Variants in FBXL7 observed in about 807,000 individuals in gnomAD.
FBXL7 encodes F-box and leucine rich repeat protein 7.
Under a neutral mutation model 38.3 loss-of-function variants are expected in FBXL7, and 12 were observed. The ratio of observed to expected loss-of-function variants is 0.31; its 90% CI spans 0.20 to 0.51. FBXL7 has a LOEUF of 0.51. Ranked by LOEUF, FBXL7 falls within the 20% of genes least tolerant of loss-of-function variation. The pLI, the probability that FBXL7 is intolerant of heterozygous loss-of-function variation, is 0.98. For missense variants in FBXL7, 567 were observed against 676.4 expected (o/e 0.84, Z 1.79); for synonymous variants, 297 against 300.9 (o/e 0.99, Z 0.13).
At chr5:15,612,122 C>A (rs922322515) in intron 1 of FBXL7, among the ~76,000 whole-genome samples, 5 of 151,934 alleles carry the variant, frequency 3.3e-5, no homozygotes, top group Non-Finnish European at 5.9e-5. Flanking sequence ...ACACAATCCA[C>A]CCCCCCAAGA....
At chr5:15,529,817 CCCTT>C (rs1737368196) in intron 1 of FBXL7, among the ~76,000 whole-genome samples, 1 of 152,188 alleles carries the variant, frequency 6.6e-6, no homozygotes, top group Non-Finnish European at 1.5e-5. Flanking sequence ...GTTGAAGTAT[CCCTT>C]CCACAGATGG....
intron 2 of FBXL7, among the ~76,000 whole-genome samples, chr5:15,830,377 A>C (rs1270381005): frequency 1.3e-5 from 2 of 151,836 alleles, no homozygotes; most frequent in Non-Finnish European, 2.9e-5. Context: ...CCAGCTACTC[A>C]GGAGGCCAAG....
chr5:15,596,446 T>G (rs1580393153), intron 1 of FBXL7, among the ~76,000 whole-genome samples: 1 of 152,266 alleles, frequency 6.6e-6, no homozygotes, highest in South Asian at 2.1e-4. Flanking sequence ...AGGGATTGCT[T>G]GAGCCCAGGA....
At chr5:15,555,974 C>CATCTATCTATCTATCTATCT (rs144598945) in intron 1 of FBXL7, among the ~76,000 whole-genome samples, 9 of 141,000 alleles carry the variant, frequency 6.4e-5, no homozygotes, top group South Asian at 2.4e-4. Flanking sequence ...ATCTGTCTAT[C>CATCTATCTATCTATCTATCT]ATCTATCTAT....
Position 15,763,651 on chromosome 5 carries a change from G to A in FBXL7, c.127+147579G>A, listed in dbSNP as rs1275159611. Among the ~76,000 whole-genome samples the A allele has an allele frequency of 2.0e-5, 3 of 151,946 alleles. No individual in the cohort carries two copies. The East Asian group carries it at 5.8e-4, about 29-fold the overall frequency. On this transcript the variant is annotated intron_variant, in intron 2 of 3. Transcript: ENST00000504595. The stretch of plus-strand genomic sequence containing the variant: ...ACATCAGAGCATTATTTTTTATCTT[G>A]GTTTTATAGGTTTCTATTCTGAGGA...
intron 1 of FBXL7, among the ~76,000 whole-genome samples, chr5:15,607,892 GC>G (rs931861991): frequency 6.6e-6 from 1 of 152,084 alleles, no homozygotes; most frequent in Non-Finnish European, 1.5e-5. Flanking sequence ...CTTCCTTTGG[GC>G]CTTTGGCCCA....
chr5:15,762,369 A>AT (rs879363784), intron 2 of FBXL7, among the ~76,000 whole-genome samples: 97,358 of 151,876 alleles, frequency 0.64, 32,097 homozygotes, highest in South Asian at 0.73. Context: ...GTTGGTTAGA[A>AT]GCACCCTTGT....
At chr5:15,792,668 A>T (rs906735169) in intron 2 of FBXL7, among the ~76,000 whole-genome samples, 9 of 152,078 alleles carry the variant, frequency 5.9e-5, no homozygotes, top group Non-Finnish European at 1.2e-4. Context: ...TGGAAAACTG[A>T]CTCAAGGACC....
Position 15,607,620 on chromosome 5 carries a change from G to A in FBXL7, c.38-8363G>A, listed in dbSNP as rs530113137. Among the ~76,000 whole-genome samples the A allele has an allele frequency of 1.8e-4, 28 of 152,216 alleles. No individual in the cohort carries two copies. The South Asian group carries it at 5.2e-3, about 28-fold the overall frequency. On this transcript the variant is annotated intron_variant, in intron 1 of 3. Transcript: ENST00000504595. ...AATGAACATTATCTTCAAGCCTTAG[G>A]AAAACCTGGCACGCTCTAACAGACA... is the stretch of plus-strand genomic sequence containing the variant.
chr5:15,657,804 C>A (rs1246978247), intron 2 of FBXL7, among the ~76,000 whole-genome samples: 1 of 151,718 alleles, frequency 6.6e-6, no homozygotes, highest in African/African-American at 2.4e-5. Context: ...CGGCATTGCA[C>A]TCCAGCTTGG....
chr5:15,922,174 T>C (rs1741761165), intron 2 of FBXL7, among the ~76,000 whole-genome samples: 1 of 151,388 alleles, frequency 6.6e-6, no homozygotes, highest in South Asian at 2.1e-4. Flanking sequence ...ATGTTATATA[T>C]ATGAAATACT....
intron 1 of FBXL7, chr5:15,606,806 G>C (rs1006940233): frequency 6.6e-6 from 1 of 152,154 alleles, no homozygotes; most frequent in African/African-American, 2.4e-5. Context: ...AAATGAAACA[G>C]AGTGCTTAGG....
chr5:15,858,801 C>A (rs901750476), intron 2 of FBXL7, among the ~76,000 whole-genome samples: 6 of 152,006 alleles, frequency 3.9e-5, no homozygotes, highest in African/African-American at 1.4e-4. Flanking sequence ...AACCATTTTG[C>A]AGATTTTACC....
chr5:15,589,580 A>T (rs1200500540), intron 1 of FBXL7, among the ~76,000 whole-genome samples: 1 of 152,166 alleles, frequency 6.6e-6, no homozygotes, highest in Non-Finnish European at 1.5e-5. Context: ...GTATTTCTTT[A>T]TAGTAGTGCG....
intron 1 of FBXL7, chr5:15,501,445 C>G: frequency 1.0e-6 from 1 of 985,550 alleles, no homozygotes; most frequent in Non-Finnish European, 1.2e-6. Context: ...TGCATAAAAC[C>G]GTAGCGTTGT....
chr5:15,830,819 A>T (rs1208838851), intron 2 of FBXL7, among the ~76,000 whole-genome samples: 1 of 152,114 alleles, frequency 6.6e-6, no homozygotes, highest in African/African-American at 2.4e-5. Flanking sequence ...GGGAGTGGGG[A>T]TGCCAGGGCA....
intron 2 of FBXL7, among the ~76,000 whole-genome samples, chr5:15,701,974 C>A (rs1300448058): frequency 6.6e-6 from 1 of 152,142 alleles, no homozygotes; most frequent in East Asian, 1.9e-4. Context: ...TGCGGTGGTT[C>A]ACGCCTGTAA....
intron 2 of FBXL7, among the ~76,000 whole-genome samples, chr5:15,683,370 C>T (rs1263859023): frequency 6.6e-6 from 1 of 152,144 alleles, no homozygotes; most frequent in East Asian, 1.9e-4. Context: ...TGAGCAGGGA[C>T]CAGGACCCGT....
Position 15,500,477 on chromosome 5 carries a change from C to T in FBXL7, c.-200C>T. 1.5e-6 allele frequency: 1 copy of T among 681,948 alleles called. No individual in the cohort carries two copies. The highest frequency in any genetic ancestry group is 2.6e-6 in the Non-Finnish European group (1 of 388,766). 42.2% of individuals were successfully genotyped at this position (681,948 alleles called of 1,614,324 possible). ...AGCTGTGCCCGGCCCCGCCTGGAGC[C>T]ACCGGGGGTGCCAGGAGGGGACGCA... On this transcript the variant is annotated 5_prime_UTR_variant, in exon 1 of 4. Coordinates refer to ENST00000504595, the MANE Select transcript of FBXL7 (RefSeq NM_012304.5).
Sources: allele counts gnomAD v4.1 joint callset (sites outside exome capture counted in the v4.1 genomes callset), GRCh38; gene constraint gnomAD v4.1.1; transcripts MANE v1.5; gene names NCBI Gene and HGNC (gene_info 2026-07-23, HGNC 2026-07-21).